Variants in NBPF3 observed in about 807,000 individuals in gnomAD.
The protein encoded by NBPF3 is NBPF family member NBPF3.
In NBPF3, 57 loss-of-function variants were observed where a neutral mutation model predicts 78.1. The ratio of observed to expected loss-of-function variants is 0.73; its 90% CI spans 0.59 to 0.91. The LOEUF (loss-of-function observed/expected upper bound fraction) is 0.91, where lower values mean the gene tolerates loss of function less well. NBPF3 is among the 40% of genes least tolerant of loss of function. The probability of loss-of-function intolerance (pLI) is 0.00; values close to 1 mark genes in which losing one functional copy is unlikely to be tolerated. For synonymous variants in NBPF3, 182 were observed against 271.7 expected, an observed-to-expected ratio of 0.67 and a Z score of 3.25; for missense variants, 510 against 715.3, an observed-to-expected ratio of 0.71 and a Z score of 3.27.
chr1:21,471,026 G>T (rs769030800), intron 4 of NBPF3, among the ~76,000 whole-genome samples: 1 of 151,874 alleles, frequency 6.6e-6, no homozygotes, highest in Non-Finnish European at 1.5e-5. Flanking sequence ...AGCAGCATTC[G>T]GCATACTCAA....
chr1:21,444,951 A>G lies in NBPF3; in HGVS notation c.-136A>G, dbSNP rs769132907. On this transcript the variant is annotated 5_prime_UTR_variant, in exon 2 of 15. Transcript: ENST00000318249. Reference sequence around the variant, plus strand: ...ATTTCTCTCTTTTATCTCACAGGCAATCTGAAGGCAAATCCTGTTTAGACC... The same window carrying G: ...ATTTCTCTCTTTTATCTCACAGGCAGTCTGAAGGCAAATCCTGTTTAGACC... 5.5e-6 allele frequency: 5 copies of G among 902,208 alleles called. No individual in the cohort carries two copies. Among genetic ancestry groups the G allele is most frequent in the African/African-American group, 1.7e-5 (1 of 59,262 alleles). The allele number at this position is 902,208 out of a possible 1,614,324, so 55.9% of individuals were successfully genotyped here.
chr1:21,447,702 G>T (rs1162308082), intron 2 of NBPF3, among the ~76,000 whole-genome samples: 1 of 152,176 alleles, frequency 6.6e-6, no homozygotes, highest in Non-Finnish European at 1.5e-5. Flanking sequence ...GAATAAAATT[G>T]CTGTAAGTAC....
Position 21,473,587 on chromosome 1 carries a change from TA to T in NBPF3, c.940+3del, listed in dbSNP as rs755745119. 71 of 1,612,620 alleles carry T rather than the reference TA, an allele frequency of 4.4e-5. No homozygotes were observed. Among genetic ancestry groups the T allele is most frequent in the Non-Finnish European group, 5.7e-5 (67 of 1,178,672 alleles). ...TGGATGCTGTATGCATTATCCCAGG[TA>T]GCCTCTATTTTCCTGTGTCTCACAC... On this transcript the variant is annotated splice_donor_region_variant and intron_variant, in intron 7 of 14. Transcript: ENST00000318249.
chr1:21,479,818 C>CTGTG (rs1297036233), intron 10 of NBPF3, among the ~76,000 whole-genome samples: 4 of 43,948 alleles, frequency 9.1e-5, no homozygotes, highest in Non-Finnish European at 3.0e-4. Flanking sequence ...CTCTCTCTCT[C>CTGTG]TCTGTGTGTG....
chr1:21,473,238 C>T lies in NBPF3; in HGVS notation c.735-142C>T, dbSNP rs1642703436. 5 of 1,049,288 alleles carry T rather than the reference C, an allele frequency of 4.8e-6. No individual in the cohort carries two copies. In the East Asian group the frequency reaches 1.2e-4, roughly 25 times the overall value. The allele number at this position is 1,049,288 out of a possible 1,614,324, so 65.0% of individuals were successfully genotyped here. The stretch of plus-strand genomic sequence containing the variant: ...TCTGTTGCAGAGAGAAGAGGATTGC[C>T]TGTTCCCTCTTAAAGGGATCCTCCT... On this transcript the variant is annotated intron_variant, in intron 6 of 14. Transcript: ENST00000318249.
Position 21,445,234 on chromosome 1 carries a change from G to A in NBPF3, c.133+15G>A, listed in dbSNP as rs370233974. The A allele has an allele frequency of 1.1e-5, 17 of 1,610,180 alleles. No individual in the cohort carries two copies. Among genetic ancestry groups the A allele is most frequent in the African/African-American group, 2.7e-5 (2 of 74,808 alleles). ...AGATCCAACAGGTAAAAATCCCGAG[G>A]CATTGCCAGCTCGGTGGGGTCAGAG... is the stretch of plus-strand genomic sequence containing the variant. On this transcript the variant is annotated intron_variant, in intron 2 of 14. Transcript: ENST00000318249.
At chr1:21,469,466 C>T (rs1163418785) in intron 3 of NBPF3, among the ~76,000 whole-genome samples, 1 of 152,150 alleles carries the variant, frequency 6.6e-6, no homozygotes, top group African/African-American at 2.4e-5. Flanking sequence ...GTGGCTCACT[C>T]CTGTAATCCA....
Position 21,465,609 on chromosome 1 carries a change from C to T in NBPF3, c.134-3079C>T, listed in dbSNP as rs568378154. Among the ~76,000 whole-genome samples the T allele has an allele frequency of 1.8e-3, 279 of 151,574 alleles. 2 individuals are homozygous for T. Among genetic ancestry groups the T allele is most frequent in the African/African-American group, 6.5e-3 (265 of 40,878 alleles). On this transcript the variant is annotated intron_variant, in intron 2 of 14. Coordinates refer to ENST00000318249, the MANE Select transcript of NBPF3 (RefSeq NM_032264.6). Reference sequence around the variant, plus strand: ...GGCTCCATTTAAACTTTGAGTATAGCAGAGACACGAGCCCTTCGGGACACA... The same window carrying T: ...GGCTCCATTTAAACTTTGAGTATAGTAGAGACACGAGCCCTTCGGGACACA...
intron 2 of NBPF3, among the ~76,000 whole-genome samples, chr1:21,447,121 A>C (rs1358776192): frequency 1.3e-5 from 2 of 152,180 alleles, no homozygotes; most frequent in African/African-American, 4.8e-5. Flanking sequence ...TTTTTAGAAC[A>C]GTTCTAGGTT....
Position 21,468,682 on chromosome 1 carries a change from C to T in NBPF3, c.134-6C>T, listed in dbSNP as rs567015635. Reference sequence around the variant, plus strand: ...CCCATCGTGTGTTTGGGTGTCTTCTCCCCAGTCCCTGGCCCCACCTCTTCT... The same window carrying T: ...CCCATCGTGTGTTTGGGTGTCTTCTTCCCAGTCCCTGGCCCCACCTCTTCT... On this transcript the variant is annotated splice_polypyrimidine_tract_variant and splice_region_variant and intron_variant, in intron 2 of 14. Transcript: ENST00000318249. 5 of 1,612,764 alleles carry T rather than the reference C, an allele frequency of 3.1e-6. No individual in the cohort carries two copies. The African/African-American group carries it at 6.7e-5, about 21-fold the overall frequency.
intron 6 of NBPF3, 89 bp downstream of exon 6, chr1:21,473,004 C>T (rs917491308): frequency 4.1e-5 from 40 of 967,702 alleles, no homozygotes; most frequent in Middle Eastern, 5.2e-4. Flanking sequence ...TATGATGGGC[C>T]GAAAGCCTGC....
intron 12 of NBPF3, 87 bp from the exon 13 acceptor site, chr1:21,481,510 C>T: frequency 6.9e-7 from 1 of 1,452,958 alleles, no homozygotes; most frequent in East Asian, 2.4e-5. Context: ...TTTTTAACCA[C>T]TTCCTAATGC....
At position 21,476,314 on chromosome 1, in the gene NBPF3, G is replaced by C. The variant is rs1169597719; in HGVS notation, c.992+1363G>C. 6.6e-6 allele frequency among the ~76,000 whole-genome samples: 1 copy of C among 152,164 alleles called. No individual in the cohort carries two copies. Among genetic ancestry groups the C allele is most frequent in the Non-Finnish European group, 1.5e-5 (1 of 68,024 alleles). The stretch of plus-strand genomic sequence containing the variant: ...TTATGTGTGAATTTGATCCTGTCAT[G>C]ATGATGTGAGCTGGTTATTTTGCCT... On this transcript the variant is annotated intron_variant, in intron 8 of 14. Transcript: ENST00000318249. The surrounding 1 kb of genome is among the most constrained non-coding windows in gnomAD (Gnocchi z 4.1).
intron 2 of NBPF3, among the ~76,000 whole-genome samples, chr1:21,446,991 A>T (rs983562311): frequency 6.6e-6 from 1 of 152,218 alleles, no homozygotes; most frequent in African/African-American, 2.4e-5. Context: ...GAAATCTCCA[A>T]CTGCTCTGAC....
chr1:21,447,604 A>G (rs1641064530), intron 2 of NBPF3, among the ~76,000 whole-genome samples: 1 of 152,126 alleles, frequency 6.6e-6, no homozygotes, highest in Admixed American at 6.5e-5. Flanking sequence ...AAATCAGTGA[A>G]TCATATTTCG....
In NBPF3 at chr1:21,468,838, A is replaced by G. The variant is rs536930595; in HGVS notation, c.284A>G (p.Lys95Arg). 66 of 1,614,076 alleles carry G rather than the reference A, an allele frequency of 4.1e-5. No homozygotes were observed. The highest frequency in any genetic ancestry group is 5.2e-5 in the Non-Finnish European group (61 of 1,180,038). Residue 95 changes from lysine (K) to arginine (R), a missense_variant, in exon 3 of 15, where the codon AAA becomes AGA. By Grantham distance (26) the Lys-to-Arg change is conservative. Around this residue, in one of 5 missense-constraint regions of NBPF3, gnomAD observed 440 missense variants for 478.2 expected, o/e 0.92. Transcript: ENST00000318249. ...AACAAACAGCAGTTCAGAAACCTCA[A>G]ACAGAAATGTCTTGTAACTCAAGTG... ...AENKQQFRNL[K>R]QKCLVTQVAY...
upstream of NBPF3, chr1:21,437,489 C>A: frequency 6.8e-7 from 1 of 1,461,920 alleles, no homozygotes; most frequent in Non-Finnish European, 9.2e-7. Flanking sequence ...GGACGCCCAG[C>A]GCGAGGTGCA....
intron 10 of NBPF3, among the ~76,000 whole-genome samples, chr1:21,479,792 A>G (rs1255668751): frequency 6.2e-5 from 5 of 81,204 alleles, no homozygotes; most frequent in Admixed American, 2.9e-4. Flanking sequence ...TGAGCTCACT[A>G]TCTCTCTCTC....
intron 7 of NBPF3, 140 bp from the exon 8 acceptor site, chr1:21,474,760 G>T (rs1642800244): frequency 1.3e-6 from 1 of 784,816 alleles, no homozygotes; most frequent in Non-Finnish European, 2.1e-6. Context: ...TTAATCTAGG[G>T]CACCCTGGAG....
Sources: gnomAD v4.1 joint callset for allele counts (sites outside exome capture counted in the v4.1 genomes callset) on GRCh38, gnomAD v4.1.1 for gene constraint, gnomAD v4.1.1 regional missense constraint, Gnocchi (gnomAD v3.1) non-coding constraint, MANE v1.5 for transcripts, NCBI Gene and HGNC (gene_info 2026-07-23, HGNC 2026-07-21) for gene names.